The following ITGB1 variants were observed in gnomAD, a reference collection of about 807,000 sequenced individuals.
ITGB1 encodes integrin beta-1.
Under a neutral mutation model 86.5 loss-of-function variants are expected in ITGB1, and 24 were observed. The observed-to-expected ratio is 0.28, with a 90% CI of 0.20 to 0.39. The LOEUF (loss-of-function observed/expected upper bound fraction) is 0.39, where lower values mean the gene tolerates loss of function less well. Ranked by LOEUF, ITGB1 falls within the 10% of genes least tolerant of loss-of-function variation. The pLI is 1.00. For missense variants in ITGB1, 556 were observed against 946.9 expected, an observed-to-expected ratio of 0.59 and a Z score of 5.42; for synonymous variants, 323 against 316.8, an observed-to-expected ratio of 1.02 and a Z score of -0.21.
chr10:32,948,198 T>C (rs1007466727), intron 1 of ITGB1, among the ~76,000 whole-genome samples: 3 of 152,208 alleles, frequency 2.0e-5, no homozygotes, highest in Non-Finnish European at 4.4e-5. Flanking sequence ...TTATACTCTT[T>C]ATAGATTCCA....
chr10:32,948,836 G>C (rs1174928573), intron 1 of ITGB1, among the ~76,000 whole-genome samples: 1 of 152,064 alleles, frequency 6.6e-6, no homozygotes, highest in Non-Finnish European at 1.5e-5. Flanking sequence ...GCAGCACAAA[G>C]ACTAAGACAA....
chr10:32,917,343 G>C (rs1016114082), intron 11 of ITGB1, among the ~76,000 whole-genome samples: 18 of 152,148 alleles, frequency 1.2e-4, no homozygotes, highest in African/African-American at 4.3e-4. Flanking sequence ...TTGACAAATG[G>C]GATCTAATTA....
Position 32,910,284 on chromosome 10 carries a change from G to C in ITGB1, c.2103C>G (p.Phe701Leu), listed in dbSNP as rs780160126. 6.2e-7 allele frequency: 1 copy of C among 1,607,982 alleles called. No individual in the cohort carries two copies. Among genetic ancestry groups the C allele is most frequent in the Admixed American group, 1.7e-5 (1 of 59,588 alleles). ...TCCCATTCACTGAATACGTAAAATA[G>C]AACCAACAGTCGTCAACATCCTTCT... ...CKEKDVDDCW[F>L]YFTYSVNGNN... The change falls in exon 14 of 16, where the codon TTC becomes TTG. Residue 701 changes from phenylalanine to leucine, a missense_variant. This residue lies in a region of ITGB1 where 330 missense variants were observed against 531.5 expected (regional missense o/e 0.62). Coordinates refer to ENST00000302278, the MANE Select transcript of ITGB1 (RefSeq NM_002211.4).
chr10:32,908,580 G>C (rs758985603), intron 14 of ITGB1, 46 bp from the exon 15 acceptor site: 7 of 1,547,126 alleles, frequency 4.5e-6, no homozygotes, highest in Non-Finnish European at 6.2e-6. Flanking sequence ...GAGCTGTGCA[G>C]TGTCTTATAA....
intron 11 of ITGB1, 22 bp downstream of exon 11, chr10:32,919,863 T>C: frequency 6.2e-7 from 1 of 1,607,572 alleles, no homozygotes; most frequent in South Asian, 1.1e-5. Flanking sequence ...GCTCTGTCAC[T>C]GTCTGACAAC....
chr10:32,923,386 C>T (rs535725001), intron 7 of ITGB1, among the ~76,000 whole-genome samples, 199 bp downstream of exon 7: 2 of 152,250 alleles, frequency 1.3e-5, no homozygotes, highest in Admixed American at 1.3e-4. Context: ...CTTGTCTGAG[C>T]AGAAGGAAGC....
intron 1 of ITGB1, among the ~76,000 whole-genome samples, chr10:32,942,390 G>A (rs1239009614): frequency 6.6e-6 from 1 of 152,172 alleles, no homozygotes; most frequent in Non-Finnish European, 1.5e-5. Flanking sequence ...AATGGTGAGA[G>A]CCCACCAGGT....
chr10:32,944,650 G>T, intron 1 of ITGB1: 1 of 628,234 alleles, frequency 1.6e-6, no homozygotes, highest in Admixed American at 1.9e-5. Context: ...GCTAGCTGTT[G>T]GGTGGTTTTC....
chr10:32,921,583 G>A (rs1283516298), intron 9 of ITGB1, among the ~76,000 whole-genome samples: 1 of 152,132 alleles, frequency 6.6e-6, no homozygotes, highest in East Asian at 1.9e-4. Flanking sequence ...AATTACAACC[G>A]CCTTCAGATT....
intron 15 of ITGB1, chr10:32,907,066 A>G (rs1359194234): frequency 1.5e-6 from 2 of 1,351,630 alleles, no homozygotes; most frequent in South Asian, 2.3e-5. Context: ...TACGAACGGC[A>G]ATTTAGAGAC....
intron 1 of ITGB1, among the ~76,000 whole-genome samples, chr10:32,940,372 G>T (rs569417263): frequency 1.3e-5 from 2 of 151,786 alleles, no homozygotes; most frequent in African/African-American, 4.8e-5. Flanking sequence ...TAACAATATA[G>T]TGCAGTAAAT....
At chr10:32,923,775 A>G (rs199514867) in intron 6 of ITGB1, 35 bp from the exon 7 acceptor site, 15 of 1,543,814 alleles carry the variant, frequency 9.7e-6, no homozygotes, top group Non-Finnish European at 7.0e-6. Flanking sequence ...TTAAAACACT[A>G]TTCACAGTAA....
At chr10:32,915,718 C>T (rs570565761) in intron 11 of ITGB1, among the ~76,000 whole-genome samples, 143 of 152,228 alleles carry the variant, frequency 9.4e-4, no homozygotes, top group African/African-American at 3.3e-3. Flanking sequence ...GATTCACAGC[C>T]GAATTCTACC....
rs1381919135 is a variant in ITGB1, at chr10:32,923,526, G to A, written c.942+59C>T. On this transcript the variant is annotated intron_variant, in intron 7 of 15. Coordinates refer to ENST00000302278, the MANE Select transcript of ITGB1 (RefSeq NM_002211.4). ...CAAGCCAGTCACCCACAAGCTCTTA[G>A]TATTAAACATTAAAATCCAACATAA... 1.1e-5 allele frequency: 16 copies of A among 1,459,476 alleles called. No homozygotes were observed. In the African/African-American group the frequency reaches 2.1e-4, roughly 19 times the overall value. The allele number at this position is 1,459,476 out of a possible 1,614,324, so 90.4% of individuals were successfully genotyped here.
rs1272215567 is a variant in ITGB1 at position 32,958,183 on chromosome 10, C to T, written c.-39G>A. 1 of 151,418 alleles carries T rather than the reference C, an allele frequency of 6.6e-6. No individual in the cohort carries two copies. The highest frequency in any genetic ancestry group is 2.4e-5 in the African/African-American group (1 of 41,268). 9.4% of individuals were successfully genotyped at this position (151,418 alleles called of 1,614,324 possible). On this transcript the variant is annotated 5_prime_UTR_variant, in exon 1 of 16. Transcript: ENST00000302278. ...CGTCCGGGGCCCGGCGCGGTGGGCT[C>T]GGGCCTGCTGTTCCGCGACTCCCGC...
rs1218071486 is a variant in ITGB1, at chr10:32,944,802, T to C, written c.1-9244A>G. On this transcript the variant is annotated intron_variant, in intron 1 of 15. Transcript: ENST00000302278. ...CCTGCCAGTGGCTGAGTCTACAACA[T>C]TGAATTCAACCCTCCCAAAACTGTG... 8 of 843,608 alleles carry C rather than the reference T, an allele frequency of 9.5e-6. No homozygotes were observed. The East Asian group carries it at 1.3e-4, about 14-fold the overall frequency. The allele number at this position is 843,608 out of a possible 1,614,324, so 52.3% of individuals were successfully genotyped here.
At chr10:32,939,526 C>A (rs562513402) in intron 1 of ITGB1, among the ~76,000 whole-genome samples, 1 of 152,354 alleles carries the variant, frequency 6.6e-6, no homozygotes, top group African/African-American at 2.4e-5. Flanking sequence ...AGGCTACACA[C>A]CTGTCCAGCA....
rs148779991 is a variant in ITGB1, at chr10:32,915,970, T to A, written c.1470-3846A>T. On this transcript the variant is annotated intron_variant, in intron 11 of 15. Coordinates refer to ENST00000302278, the MANE Select transcript of ITGB1 (RefSeq NM_002211.4). ...ACATCAAAAAGCTTATCCACCACAA[T>A]CAAGTTGGCTTCATCCCTGGGCAAG... Among the ~76,000 whole-genome samples, 637 of 152,216 alleles carry A rather than the reference T, an allele frequency of 4.2e-3. 4 individuals are homozygous for A. The highest frequency in any genetic ancestry group is 0.015 in the African/African-American group (619 of 41,518).
At chr10:32,912,829 G>A (rs556232452) in intron 11 of ITGB1, among the ~76,000 whole-genome samples, 5 of 152,264 alleles carry the variant, frequency 3.3e-5, no homozygotes, top group Non-Finnish European at 5.9e-5. Flanking sequence ...CTCCCAGCAC[G>A]GAGTCTGACA....
Sources: gnomAD v4.1 joint callset for allele counts (sites outside exome capture counted in the v4.1 genomes callset) on GRCh38, gnomAD v4.1.1 for gene constraint, gnomAD v4.1.1 regional missense constraint, MANE v1.5 for transcripts, NCBI Gene and HGNC (gene_info 2026-07-23, HGNC 2026-07-21) for gene names.